Variants in PTPRD observed in about 807,000 individuals in gnomAD.
PTPRD encodes the protein protein tyrosine phosphatase receptor type D.
A neutral mutation model predicts 214.5 loss-of-function variants in PTPRD; 34 were observed. That is an observed-to-expected ratio of 0.16 (90% confidence interval 0.12 to 0.21). PTPRD has a LOEUF of 0.21. PTPRD is among the 10% of genes least tolerant of loss of function. The pLI, the probability that PTPRD is intolerant of heterozygous loss-of-function variation, is 1.00. For synonymous variants in PTPRD, 1,128 were observed against 845.7 expected (o/e 1.33, Z -5.79); for missense variants, 2,545 against 2,398.7 (o/e 1.06, Z -1.27).
chr9:9,555,406 T>A (rs970366695), intron 8 of PTPRD, among the ~76,000 whole-genome samples: 44 of 152,038 alleles, frequency 2.9e-4, no homozygotes, highest in African/African-American at 1.0e-3. Context: ...GTTTATAGAG[T>A]TAGACAAGTA....
rs549095318 is a variant in PTPRD at position 9,870,452 on chromosome 9, A to G, written c.-368+68055T>C. Among the ~76,000 whole-genome samples the G allele has an allele frequency of 1.4e-4, 21 of 152,164 alleles. No homozygotes were observed. In the South Asian group the frequency reaches 4.3e-3, roughly 32 times the overall value. On this transcript the variant is annotated intron_variant, in intron 5 of 45. Coordinates refer to ENST00000381196, the MANE Select transcript of PTPRD (RefSeq NM_002839.4). The stretch of plus-strand genomic sequence containing the variant: ...TATATCCACAGAAAATGTAAAATAA[A>G]TAAGTTGCCCATACCCTTTAATATG...
Position 10,536,052 on chromosome 9 carries a change from G to A in PTPRD, c.-600+76346C>T, listed in dbSNP as rs528143951. ...CAGTGGTTAGCAAACCTCTTACAGC[G>A]GAATCACTTGTGAGTGAGCGGGTGT... On this transcript the variant is annotated intron_variant, in intron 2 of 45. Transcript: ENST00000381196. Among the ~76,000 whole-genome samples, 204 of 152,164 alleles carry A rather than the reference G, an allele frequency of 1.3e-3. 1 individual carries two copies. Among genetic ancestry groups the A allele is most frequent in the East Asian group, 6.0e-3 (31 of 5,162 alleles).
At chr9:8,986,520 C>T (rs149171904) in intron 11 of PTPRD, among the ~76,000 whole-genome samples, 4 of 150,480 alleles carry the variant, frequency 2.7e-5, no homozygotes, top group Non-Finnish European at 3.0e-5. Flanking sequence ...ACTTTTCATT[C>T]AACAGTTTAT....
At chr9:10,148,223 G>A (rs895901113) in intron 3 of PTPRD, among the ~76,000 whole-genome samples, 2 of 152,068 alleles carry the variant, frequency 1.3e-5, no homozygotes, top group Non-Finnish European at 2.9e-5. Flanking sequence ...AGCTTTCCGG[G>A]AAAGAAGGCA....
At position 8,471,066 on chromosome 9, in the gene PTPRD, C is replaced by G. The variant is rs1462367917; in HGVS notation, c.3433G>C (p.Val1145Leu). The change falls in exon 31 of 46, where the codon GTG (valine) becomes CTG (leucine). Residue 1145 changes from valine (V) to leucine (L), a missense_variant. Transcript: ENST00000381196. ...TTCCCGCGAGATTTCTTCAAAGGCACAATTATTATGTAGTAACCTCTGCAC... is the reference window on the plus strand; with the variant it reads ...TTCCCGCGAGATTTCTTCAAAGGCAGAATTATTATGTAGTAACCTCTGCAC... ...ENIKGYYIII[V>L]PLKKSRGKFI... The G allele has an allele frequency of 6.2e-7, 1 of 1,613,302 alleles. No individual in the cohort carries two copies.
rs1235594709 is a variant in PTPRD, at chr9:8,528,733, C to G, written c.399G>C (p.Gln133His). 2 of 1,613,576 alleles carry G rather than the reference C, an allele frequency of 1.2e-6. No individual in the cohort carries two copies. The highest frequency in any genetic ancestry group is 1.7e-5 in the Admixed American group (1 of 59,938). The change falls in exon 15 of 46, where the codon CAG becomes CAC. Residue 133 changes from glutamine (Q) to histidine (H), a missense_variant. Gln to His is a conservative substitution (Grantham distance 24). Transcript: ENST00000381196. ...TGCGAGTACGCTCAACCACCTTCAACTGTGGGCCCATGTCAATGGTAGGGA... is the reference window on the plus strand; with the variant it reads ...TGCGAGTACGCTCAACCACCTTCAAGTGTGGGCCCATGTCAATGGTAGGGA... The part of the protein sequence containing the change: ...RGFPTIDMGP[Q>H]LKVVERTRTA...
At chr9:9,611,503 T>G (rs1387736547) in intron 7 of PTPRD, among the ~76,000 whole-genome samples, 2 of 152,218 alleles carry the variant, frequency 1.3e-5, no homozygotes, top group South Asian at 4.1e-4. Flanking sequence ...ATACTGTTAT[T>G]CTAAAAATTT....
At chr9:9,345,961 T>C (rs903952655) in intron 9 of PTPRD, among the ~76,000 whole-genome samples, 1 of 152,160 alleles carries the variant, frequency 6.6e-6, no homozygotes, top group African/African-American at 2.4e-5. Context: ...ATCTGTTCAT[T>C]ATTTTGTTAA....
chr9:9,674,946 T>C (rs143700728), intron 7 of PTPRD, among the ~76,000 whole-genome samples: 2 of 151,864 alleles, frequency 1.3e-5, no homozygotes, highest in African/African-American at 4.8e-5. Context: ...AGTTTAAGTA[T>C]AGAAGGTTAG....
At chr9:8,351,346 G>A (rs926270888) in intron 39 of PTPRD, among the ~76,000 whole-genome samples, 1 of 151,668 alleles carries the variant, frequency 6.6e-6, no homozygotes, top group African/African-American at 2.4e-5. Context: ...GTTCTGAGAA[G>A]GATCGGTAAT....
At chr9:9,246,791 C>T (rs2099973242) in intron 9 of PTPRD, among the ~76,000 whole-genome samples, 1 of 151,886 alleles carries the variant, frequency 6.6e-6, no homozygotes, top group South Asian at 2.1e-4. Context: ...ATCCAGCAAC[C>T]CAATTTCTGG....
chr9:9,331,046 G>A lies in PTPRD; in HGVS notation c.-203+66403C>T, dbSNP rs184109878. 7.2e-5 allele frequency among the ~76,000 whole-genome samples: 11 copies of A among 152,100 alleles called. No homozygotes were observed. The East Asian group carries it at 2.1e-3, about 29-fold the overall frequency. On this transcript the variant is annotated intron_variant, in intron 9 of 45. Transcript: ENST00000381196. ...AAAAAATCCTGGGCAAACTTGCTCAGATAAGAGTCTAAGCAAACATGAAGA... is the reference window on the plus strand; with the variant it reads ...AAAAAATCCTGGGCAAACTTGCTCAAATAAGAGTCTAAGCAAACATGAAGA...
At chr9:9,018,353 A>G (rs1157409947) in intron 11 of PTPRD, among the ~76,000 whole-genome samples, 3 of 152,196 alleles carry the variant, frequency 2.0e-5, no homozygotes, top group Non-Finnish European at 4.4e-5. Flanking sequence ...ATAAAACGGT[A>G]TATCTTATAA....
intron 8 of PTPRD, among the ~76,000 whole-genome samples, chr9:9,550,123 C>T (rs1569569197): frequency 6.6e-6 from 1 of 151,990 alleles, no homozygotes; most frequent in Non-Finnish European, 1.5e-5. Context: ...GAATGGAATT[C>T]ATCTTATCAG....
At chr9:8,713,768 C>T (rs1306864183) in intron 12 of PTPRD, 1 of 1,535,530 alleles carries the variant, frequency 6.5e-7, no homozygotes. Flanking sequence ...ATCAAGTTCC[C>T]GCTGCCCCAC....
intron 7 of PTPRD, among the ~76,000 whole-genome samples, chr9:9,679,778 A>G (rs2097026153): frequency 6.6e-6 from 1 of 151,930 alleles, no homozygotes; most frequent in Non-Finnish European, 1.5e-5. Flanking sequence ...ATGCAATTGC[A>G]TTTCAGTGAC....
chr9:9,045,153 G>A (rs1431341562), intron 10 of PTPRD, among the ~76,000 whole-genome samples: 4 of 152,118 alleles, frequency 2.6e-5, no homozygotes, highest in Non-Finnish European at 1.5e-5. Flanking sequence ...CAACCTAGGG[G>A]ATTTTAGAGC....
At chr9:10,044,077 A>G (rs747395196) in intron 3 of PTPRD, among the ~76,000 whole-genome samples, 3 of 151,692 alleles carry the variant, frequency 2.0e-5, no homozygotes, top group Non-Finnish European at 4.4e-5. Context: ...AATGTCATGA[A>G]AGATACCAGG....
intron 11 of PTPRD, among the ~76,000 whole-genome samples, chr9:8,915,398 A>C (rs531016267): frequency 6.6e-6 from 1 of 152,204 alleles, no homozygotes; most frequent in African/African-American, 2.4e-5. Flanking sequence ...AACAAGAGGC[A>C]TATATAGAAA....
Sources: allele counts gnomAD v4.1 joint callset (sites outside exome capture counted in the v4.1 genomes callset), GRCh38; gene constraint gnomAD v4.1.1; transcripts MANE v1.5; gene names NCBI Gene and HGNC (gene_info 2026-07-23, HGNC 2026-07-21).